Variants in SLC6A12 observed in about 807,000 individuals in gnomAD.
The protein encoded by SLC6A12 is solute carrier family 6 member 12, also known as sodium- and chloride-dependent betaine transporter.
Under a neutral mutation model 73.3 loss-of-function variants are expected in SLC6A12, and 50 were observed. That is an observed-to-expected ratio of 0.68 (90% CI 0.54 to 0.86). SLC6A12 has a LOEUF of 0.86. Ranked by LOEUF, SLC6A12 falls within the 40% of genes least tolerant of loss-of-function variation. The probability of loss-of-function intolerance (pLI) is 0.00; values close to 1 mark genes in which losing one functional copy is unlikely to be tolerated. For synonymous variants in SLC6A12, 304 were observed against 309.2 expected (o/e 0.98, Z 0.18); for missense variants, 648 against 772.8 (o/e 0.84, Z 1.92).
intron 6 of SLC6A12, 115 bp from the exon 7 acceptor site, chr12:200,898 T>C (rs1940224885): frequency 1.8e-6 from 2 of 1,098,398 alleles, no homozygotes; most frequent in Non-Finnish European, 2.6e-6. Context: ...ATTCCAGGGC[T>C]TCCCCCACTC....
downstream of SLC6A12, among the ~76,000 whole-genome samples, chr12:187,221 G>T (rs779722855): frequency 1.3e-5 from 2 of 152,164 alleles, no homozygotes; most frequent in Non-Finnish European, 2.9e-5. Flanking sequence ...AGATGAAAGT[G>T]TGCCCAGAGT....
rs546047070 is a variant in SLC6A12, at chr12:206,810, G to A, written c.215-2112C>T. Among the ~76,000 whole-genome samples the A allele has an allele frequency of 2.6e-5, 4 of 152,368 alleles. No individual in the cohort carries two copies. In the East Asian group the frequency reaches 5.8e-4, roughly 22 times the overall value. On this transcript the variant is annotated intron_variant, in intron 3 of 15. Coordinates refer to ENST00000684302, the MANE Select transcript of SLC6A12 (RefSeq NM_001122848.3). ...GCTGAGGGGTAGCACTCGGTAGAGG[G>A]ACACGGCCTAAGGCCTCCCCAGAAG...
At position 213,136 on chromosome 12, in the gene SLC6A12, C is replaced by T. The variant is rs1940971692; in HGVS notation, c.-143+786G>A. Among the ~76,000 whole-genome samples the T allele has an allele frequency of 6.6e-6, 1 of 152,138 alleles. No individual in the cohort carries two copies. The highest frequency in any genetic ancestry group is 2.4e-5 in the African/African-American group (1 of 41,424). Reference sequence around the variant, plus strand: ...GCTGCTGGGATCCCAGCTCTGTCCCCTTTGCTCCCCAGTCCAGCATAGGAA... The same window carrying T: ...GCTGCTGGGATCCCAGCTCTGTCCCTTTTGCTCCCCAGTCCAGCATAGGAA... On this transcript the variant is annotated intron_variant, in intron 1 of 15. Coordinates refer to ENST00000684302, the MANE Select transcript of SLC6A12 (RefSeq NM_001122848.3). This position sits in a 1 kb window ranked among gnomAD's most constrained non-coding sequence, Gnocchi z 5.3.
At chr12:194,941 C>T (rs865823218) in intron 13 of SLC6A12, among the ~76,000 whole-genome samples, 2 of 152,314 alleles carry the variant, frequency 1.3e-5, no homozygotes, top group Non-Finnish European at 1.5e-5. Flanking sequence ...GGCCTCAGGC[C>T]ACCTCCATAT....
In SLC6A12 at chr12:200,637, G is replaced by A. The variant is rs1591792591; in HGVS notation, c.711+14C>T. 1.9e-6 allele frequency: 3 copies of A among 1,613,196 alleles called. No individual in the cohort carries two copies. The East Asian group carries it at 6.7e-5, about 36-fold the overall frequency. On this transcript the variant is annotated intron_variant, in intron 7 of 15. Transcript: ENST00000684302. ...GGGGCCAAAGGGAGCTTCCCAGGAG[G>A]CAGGACATCTCACCTTGCCTGTGGA...
rs767149255 is a variant in SLC6A12 at position 198,974 on chromosome 12, G to A, written c.712-43C>T. The A allele has an allele frequency of 8.1e-6, 13 of 1,606,298 alleles. No homozygotes were observed. In the African/African-American group the frequency reaches 9.4e-5, roughly 12 times the overall value. On this transcript the variant is annotated intron_variant, in intron 7 of 15. Coordinates refer to ENST00000684302, the MANE Select transcript of SLC6A12 (RefSeq NM_001122848.3). The surrounding 1 kb of genome is among the most constrained non-coding windows in gnomAD (Gnocchi z 4.0). ...GGCCAAGGTCACTCCTGGTGGGGAC[G>A]CAGTGGCCCTCCAGCCACGCCCCAC...
Position 191,087 on chromosome 12 carries a change from TC to T in SLC6A12, c.1825del (p.Glu609ArgfsTer62). On this transcript the variant is annotated frameshift_variant, in exon 16 of 16. Coordinates refer to ENST00000684302, the MANE Select transcript of SLC6A12 (RefSeq NM_001122848.3). LOFTEE classifies it high-confidence loss of function. Reference sequence around the variant, plus strand: ...CACACCCTACAAATGGGTCTCCTTCTCCCCGGCTATCAGTCCTTCCCTTGTT... The same window carrying T: ...CACACCCTACAAATGGGTCTCCTTCTCCCGGCTATCAGTCCTTCCCTTGTT... ...SPTREGLIAG[E>X]KETHL The T allele has an allele frequency of 7.5e-7, 1 of 1,332,502 alleles. No homozygotes were observed. 82.5% of individuals were successfully genotyped at this position (1,332,502 alleles called of 1,614,324 possible).
At chr12:209,194 C>A (rs1940796532) in intron 3 of SLC6A12, among the ~76,000 whole-genome samples, 1 of 152,138 alleles carries the variant, frequency 6.6e-6, no homozygotes, top group Admixed American at 6.5e-5. Context: ...ACATCCACGA[C>A]ACTCATGCCT....
Position 198,366 on chromosome 12 carries a change from G to A in SLC6A12, c.847-363C>T, listed in dbSNP as rs941275412. Among the ~76,000 whole-genome samples the A allele has an allele frequency of 6.6e-6, 1 of 152,220 alleles. No homozygotes were observed. Among genetic ancestry groups the A allele is most frequent in the Non-Finnish European group, 1.5e-5 (1 of 68,034 alleles). On this transcript the variant is annotated intron_variant, in intron 8 of 15. Coordinates refer to ENST00000684302, the MANE Select transcript of SLC6A12 (RefSeq NM_001122848.3). The surrounding 1 kb of genome is among the most constrained non-coding windows in gnomAD (Gnocchi z 4.0). Reference sequence around the variant, plus strand: ...ATCTCTGTACATAGTGTCTTAAGCAGCTATGACCTGGGGACAAAGAGGCTG... The same window carrying A: ...ATCTCTGTACATAGTGTCTTAAGCAACTATGACCTGGGGACAAAGAGGCTG...
At chr12:212,684 T>TA (rs1265466450) in intron 1 of SLC6A12, among the ~76,000 whole-genome samples, 1 of 152,064 alleles carries the variant, frequency 6.6e-6, no homozygotes, top group East Asian at 1.9e-4. Context: ...AAGAGGGATT[T>TA]AAGTTAGACT....
At chr12:189,971 C>A (rs1008839422), downstream of SLC6A12, 1 of 152,342 alleles carries the variant, frequency 6.6e-6, no homozygotes, top group Admixed American at 6.5e-5. Flanking sequence ...AAGGCGGGGG[C>A]GCTAGTCTGG....
downstream of SLC6A12, among the ~76,000 whole-genome samples, chr12:186,427 TA>T (rs1184847926): frequency 2.0e-5 from 3 of 152,214 alleles, no homozygotes; most frequent in African/African-American, 7.2e-5. Context: ...GCTTACGGCT[TA>T]AAACAACCAT....
chr12:187,391 C>T (rs1939449451), downstream of SLC6A12, among the ~76,000 whole-genome samples: 1 of 151,706 alleles, frequency 6.6e-6, no homozygotes, highest in Admixed American at 6.6e-5. Flanking sequence ...TCACCAGCTC[C>T]GGAGTGAAAC....
intron 15 of SLC6A12, among the ~76,000 whole-genome samples, chr12:191,663 TTGGTGG>T (rs762884487): frequency 6.6e-6 from 1 of 152,050 alleles, no homozygotes; most frequent in African/African-American, 2.4e-5. Flanking sequence ...GCTACGACTG[TTGGTGG>T]TGGTGGTGGT....
At chr12:200,103 ATTCTTTTTTTTTT>A (rs1940130256) in intron 7 of SLC6A12, among the ~76,000 whole-genome samples, 1 of 135,540 alleles carries the variant, frequency 7.4e-6, no homozygotes, top group Non-Finnish European at 1.6e-5. Context: ...TGCCCTGAAT[ATTCTTTTTTTTTT>A]TTTTTTTTTT....
downstream of SLC6A12, among the ~76,000 whole-genome samples, chr12:188,263 A>G (rs61907088): frequency 0.4 from 61,050 of 152,126 alleles, 12,414 homozygotes; most frequent in South Asian, 0.55. Context: ...GCCCTGCCCC[A>G]CGGGAAGGCA....
intron 4 of SLC6A12, chr12:204,202 C>A: frequency 3.9e-6 from 1 of 253,304 alleles, no homozygotes; most frequent in Non-Finnish European, 7.8e-6. Flanking sequence ...CTGGCGGAGG[C>A]ACAGCACCCC....
intron 6 of SLC6A12, 62 bp from the exon 7 acceptor site, chr12:200,845 C>T (rs981431253): frequency 6.5e-7 from 1 of 1,542,588 alleles, no homozygotes; most frequent in Non-Finnish European, 8.8e-7. Context: ...TTGCGTCTGT[C>T]AGCAAGTCTC....
In SLC6A12 at chr12:196,823, G is replaced by A; in HGVS notation, c.1135C>T (p.Leu379=). The A allele has an allele frequency of 6.2e-7, 1 of 1,613,996 alleles. No individual in the cohort carries two copies. Among genetic ancestry groups the A allele is most frequent in the South Asian group, 1.1e-5 (1 of 91,080 alleles). Residue 379 remains leucine (L), a synonymous_variant, in exon 11 of 16, where the codon CTG becomes TTG. Coordinates refer to ENST00000684302, the MANE Select transcript of SLC6A12 (RefSeq NM_001122848.3). The part of the protein sequence containing the change: ...KAVTMMPLSQ[L]WSCLFFIMLI... ...ATGATAAAGAACAGGCAGGACCACA[G>A]CTGGGATAAGGGCATCATAGTCACA...
Sources: gnomAD v4.1 joint callset for allele counts (sites outside exome capture counted in the v4.1 genomes callset) on GRCh38, gnomAD v4.1.1 for gene constraint, Gnocchi (gnomAD v3.1) non-coding constraint, MANE v1.5 for transcripts, NCBI Gene and HGNC (gene_info 2026-07-23, HGNC 2026-07-21) for gene names.